Variants in ZFHX4 observed in about 807,000 individuals in gnomAD.
ZFHX4 encodes the protein zinc finger homeobox protein 4.
In ZFHX4, 56 loss-of-function variants were observed where a neutral mutation model predicts 267.6. That is an observed-to-expected ratio of 0.21 (90% CI 0.17 to 0.26). The LOEUF (loss-of-function observed/expected upper bound fraction) is 0.26, where lower values mean the gene tolerates loss of function less well. ZFHX4 is among the 10% of genes least tolerant of loss of function. The pLI is 1.00. For synonymous variants in ZFHX4, 1,778 were observed against 1,665.6 expected (o/e 1.07, Z -1.64); for missense variants, 4,332 against 4,420.0 (o/e 0.98, Z 0.56).
chr8:76,767,707 G>A (rs1279336237), intron 3 of ZFHX4, among the ~76,000 whole-genome samples: 3 of 152,180 alleles, frequency 2.0e-5, no homozygotes, highest in Admixed American at 6.5e-5. Context: ...ATCTGGTGAA[G>A]GGTAGAGGAA....
intron 3 of ZFHX4, among the ~76,000 whole-genome samples, chr8:76,749,670 CT>C (rs1187529306): frequency 3.9e-5 from 6 of 152,048 alleles, no homozygotes; most frequent in Non-Finnish European, 8.8e-5. Flanking sequence ...TTTACAATGT[CT>C]GTAATATAGA....
intron 4 of ZFHX4, among the ~76,000 whole-genome samples, chr8:76,832,280 T>C (rs1052636969): frequency 2.0e-5 from 3 of 152,186 alleles, no homozygotes; most frequent in Non-Finnish European, 4.4e-5. Flanking sequence ...ATCTGGTCTT[T>C]TCAGACTTTA....
intron 4 of ZFHX4, among the ~76,000 whole-genome samples, chr8:76,814,024 G>C (rs1409362581): frequency 6.6e-6 from 1 of 151,764 alleles, no homozygotes; most frequent in Non-Finnish European, 1.5e-5. Context: ...CATGTAGTTT[G>C]ACAATAACCG....
chr8:76,811,673 G>T (rs1023138776), intron 4 of ZFHX4, among the ~76,000 whole-genome samples: 2 of 152,148 alleles, frequency 1.3e-5, no homozygotes, highest in Non-Finnish European at 2.9e-5. Context: ...AAGTGGTTTG[G>T]CAGGAAAGAC....
At chr8:76,765,782 A>G (rs1273314385) in intron 3 of ZFHX4, among the ~76,000 whole-genome samples, 3 of 152,138 alleles carry the variant, frequency 2.0e-5, no homozygotes, top group African/African-American at 7.2e-5. Flanking sequence ...ATTTTATTTA[A>G]CCTTCAAAAC....
chr8:76,787,638 T>TAAAAA (rs748402870), intron 4 of ZFHX4, among the ~76,000 whole-genome samples: 2 of 62,192 alleles, frequency 3.2e-5, no homozygotes, highest in African/African-American at 6.1e-5. Context: ...CCATCTCCAC[T>TAAAAA]AAAAAAAAAA....
chr8:76,771,072 A>G (rs557649762), intron 3 of ZFHX4, among the ~76,000 whole-genome samples: 1 of 152,266 alleles, frequency 6.6e-6, no homozygotes, highest in African/African-American at 2.4e-5. Flanking sequence ...ATTTAGAGTC[A>G]TGTTAAGAAT....
Position 76,704,648 on chromosome 8 carries a change from T to C in ZFHX4, c.560T>C (p.Phe187Ser). Residue 187 changes from phenylalanine (F) to serine (S), a missense_variant, in exon 2 of 11, where the codon TTC becomes TCC. Around this residue, in one of 7 missense-constraint regions of ZFHX4, gnomAD observed 1,195 missense variants for 1,173.6 expected, o/e 1.02. Transcript: ENST00000651372. ...CAGTCTGCTTCTGCACCTATGTCGTTCTACCCACAGATCATCAACACTTTT... is the reference window on the plus strand; with the variant it reads ...CAGTCTGCTTCTGCACCTATGTCGTCCTACCCACAGATCATCAACACTTTT... ...SDQSASAPMS[F>S]YPQIINTFHI... is the part of the protein sequence containing the mutation. 1 of 1,614,024 alleles carries C rather than the reference T, an allele frequency of 6.2e-7. No individual in the cohort carries two copies. Among genetic ancestry groups the C allele is most frequent in the Non-Finnish European group, 8.5e-7 (1 of 1,179,892 alleles).
chr8:76,823,535 A>C (rs2131870404), intron 4 of ZFHX4, among the ~76,000 whole-genome samples: 1 of 152,274 alleles, frequency 6.6e-6, no homozygotes, highest in Admixed American at 6.5e-5. Flanking sequence ...TACTTTCACT[A>C]ACTTTTCCTT....
At chr8:76,756,936 A>G (rs1809780562) in intron 3 of ZFHX4, among the ~76,000 whole-genome samples, 1 of 152,118 alleles carries the variant, frequency 6.6e-6, no homozygotes, top group Admixed American at 6.6e-5. Context: ...TTAATATCAT[A>G]TTTTCCTCTG....
At chr8:76,695,932 T>C (rs914795038) in intron 1 of ZFHX4, among the ~76,000 whole-genome samples, 22 of 152,202 alleles carry the variant, frequency 1.4e-4, no homozygotes, top group African/African-American at 5.3e-4. Context: ...ACATCCTGCT[T>C]TGGTTGATGT....
chr8:76,785,395 A>C (rs1810660269), intron 4 of ZFHX4, among the ~76,000 whole-genome samples: 1 of 152,144 alleles, frequency 6.6e-6, no homozygotes, highest in South Asian at 2.1e-4. Flanking sequence ...ATCGGTGAAA[A>C]CAGTGGTAAA....
chr8:76,704,933 T>C lies in ZFHX4; in HGVS notation c.845T>C (p.Leu282Ser), dbSNP rs1044466296. 3 of 1,614,090 alleles carry C rather than the reference T, an allele frequency of 1.9e-6. No homozygotes were observed. The highest frequency in any genetic ancestry group is 1.7e-5 in the Admixed American group (1 of 60,032). The change falls in exon 2 of 11, where the codon TTG becomes TCG. Residue 282 changes from leucine (L) to serine (S), a missense_variant. This residue lies in a region of ZFHX4 where 1,195 missense variants were observed against 1,173.6 expected (regional missense o/e 1.02). Coordinates refer to ENST00000651372, the MANE Select transcript of ZFHX4 (RefSeq NM_024721.5). ...GKRKPVLMCF[L>S]CKLSFGYIRS... ...AGGAAACCTGTTTTAATGTGTTTCT[T>C]GTGCAAGTTGTCTTTTGGTTATATC...
chr8:76,704,530 A>G lies in ZFHX4; in HGVS notation c.442A>G (p.Ser148Gly). Residue 148 changes from serine to glycine, a missense_variant, in exon 2 of 11, where the codon AGT becomes GGT. By Grantham distance (56) the Ser-to-Gly change is moderately conservative (BLOSUM62 0). Coordinates refer to ENST00000651372, the MANE Select transcript of ZFHX4 (RefSeq NM_024721.5). ...SAYIIEDSKESGQNAQTGANS... is the reference protein window; with the variant it reads ...SAYIIEDSKEGGQNAQTGANS... ...ATATATAATTGAGGACTCCAAAGAAAGTGGGCAGAATGCACAGACTGGGGC... is the reference window on the plus strand; with the variant it reads ...ATATATAATTGAGGACTCCAAAGAAGGTGGGCAGAATGCACAGACTGGGGC... 1 of 1,613,978 alleles carries G rather than the reference A, an allele frequency of 6.2e-7. No individual in the cohort carries two copies. The highest frequency in any genetic ancestry group is 2.2e-5 in the East Asian group (1 of 44,852).
At chr8:76,836,225 G>T (rs1812089703) in intron 5 of ZFHX4, among the ~76,000 whole-genome samples, 1 of 152,164 alleles carries the variant, frequency 6.6e-6, no homozygotes, top group Non-Finnish European at 1.5e-5. Context: ...AAGTGTTAAA[G>T]AGGTGATATG....
chr8:76,839,622 G>C (rs1812183013), intron 5 of ZFHX4, among the ~76,000 whole-genome samples: 1 of 152,120 alleles, frequency 6.6e-6, no homozygotes, highest in South Asian at 2.1e-4. Context: ...ATCATGAAAT[G>C]ATTTAATACT....
At chr8:76,746,011 A>G (rs1809449797) in intron 3 of ZFHX4, among the ~76,000 whole-genome samples, 1 of 152,210 alleles carries the variant, frequency 6.6e-6, no homozygotes, top group East Asian at 1.9e-4. Context: ...TTTAGTTTTA[A>G]CAGTGGTTTC....
rs150055258 is a variant in ZFHX4, at chr8:76,815,648, C to T, written c.3326-17690C>T. ...TCTGGGATAACTGGGACTACAGGCA[C>T]GTGCCACCATGACTGGCTAATTTTT... is the stretch of plus-strand genomic sequence containing the variant. On this transcript the variant is annotated intron_variant, in intron 4 of 10. Transcript: ENST00000651372. 5.9e-4 allele frequency among the ~76,000 whole-genome samples: 90 copies of T among 152,166 alleles called. 1 individual carries two copies. The highest frequency in any genetic ancestry group is 2.0e-3 in the African/African-American group (84 of 41,518).
intron 4 of ZFHX4, among the ~76,000 whole-genome samples, chr8:76,817,195 C>G (rs1811528602): frequency 6.6e-6 from 1 of 152,060 alleles, no homozygotes; most frequent in South Asian, 2.1e-4. Context: ...TAATTTTTAA[C>G]TGCAATTCCT....
Sources: gnomAD v4.1 joint callset for allele counts (sites outside exome capture counted in the v4.1 genomes callset) on GRCh38, gnomAD v4.1.1 for gene constraint, gnomAD v4.1.1 regional missense constraint, MANE v1.5 for transcripts, NCBI Gene and HGNC (gene_info 2026-07-23, HGNC 2026-07-21) for gene names.